SLC7A7: variants seen among roughly 807,000 people sequenced by gnomAD.
SLC7A7 encodes Y+L amino acid transporter 1.
A neutral mutation model predicts 47.9 loss-of-function variants in SLC7A7; 39 were observed. That is an observed-to-expected ratio of 0.81 (90% CI 0.63 to 1.06). The LOEUF (loss-of-function observed/expected upper bound fraction) is 1.06. Ranked by LOEUF, SLC7A7 falls within the 50% of genes least tolerant of loss-of-function variation. The pLI is 0.00. For synonymous variants in SLC7A7, 234 were observed against 242.8 expected (o/e 0.96, Z 0.34); for missense variants, 588 against 632.0 (o/e 0.93, Z 0.75).
upstream of SLC7A7, among the ~76,000 whole-genome samples, chr14:22,818,012 T>G (rs1223104487): frequency 4.0e-5 from 6 of 151,402 alleles, no homozygotes; most frequent in Admixed American, 3.9e-4. Context: ...GGGTGCCCAC[T>G]TCTAAAGCAA....
intron 2 of SLC7A7, among the ~76,000 whole-genome samples, chr14:22,804,827 T>C (rs898288363): frequency 1.3e-5 from 2 of 151,732 alleles, no homozygotes; most frequent in African/African-American, 2.4e-5. Flanking sequence ...ACCCCGTCTC[T>C]AACAATACAA....
At chr14:22,776,876 C>T (rs533816791) in intron 4 of SLC7A7, among the ~76,000 whole-genome samples, 15 of 151,762 alleles carry the variant, frequency 9.9e-5, no homozygotes, top group South Asian at 8.3e-4. Flanking sequence ...GGCTGAGGTA[C>T]GAGAATCACT....
intron 2 of SLC7A7, among the ~76,000 whole-genome samples, chr14:22,806,298 C>T (rs1216455642): frequency 2.1e-5 from 3 of 143,192 alleles, no homozygotes; most frequent in Non-Finnish European, 3.0e-5. Context: ...CAGGTTCAAG[C>T]GATTCTCCTG....
rs139693896 is a variant in SLC7A7 at position 22,782,299 on chromosome 14, C to T, written c.500-2248G>A. Among the ~76,000 whole-genome samples, 1,078 of 151,668 alleles carry T rather than the reference C, an allele frequency of 7.1e-3. 13 individuals are homozygous for T. Among genetic ancestry groups the T allele is most frequent in the African/African-American group, 0.025 (1,017 of 41,340 alleles). On this transcript the variant is annotated intron_variant, in intron 2 of 9. Transcript: ENST00000674313. ...TATATTTTTAGTAGAGATGAGGTTT[C>T]ACCATGTTGGCCAGGCTTGTCGCAA...
At chr14:22,784,342 G>A (rs749967041) in intron 2 of SLC7A7, among the ~76,000 whole-genome samples, 9 of 151,948 alleles carry the variant, frequency 5.9e-5, no homozygotes, top group Non-Finnish European at 1.2e-4. Flanking sequence ...ACTCGTGGCC[G>A]GGTGCAGTGG....
chr14:22,813,436 T>C lies in SLC7A7; in HGVS notation c.-38A>G. On this transcript the variant is annotated 5_prime_UTR_variant, in exon 2 of 10. The change abolishes an upstream ATG in the 5' untranslated region. Transcript: ENST00000674313. ...GAAACCCTTCACCAGCTTCCTGGCA[T>C]TGCCCTTTAAGGAAGAAAGATGATG... 6.2e-7 allele frequency: 1 copy of C among 1,603,864 alleles called. No homozygotes were observed. Among genetic ancestry groups the C allele is most frequent in the Non-Finnish European group, 8.5e-7 (1 of 1,179,906 alleles).
rs2039343008 is a variant in SLC7A7, at chr14:22,813,054, A to G, written c.345T>C (p.Leu115=). The change falls in exon 2 of 10, where the codon CTT becomes CTC. Residue 115 remains leucine (L), a synonymous_variant. Transcript: ENST00000674313. ...GGGAGGTCCAGAGTCTGATGAAAGCAAGGAATCCTCCAAAGGCCTCCAGGA... is the reference window on the plus strand; with the variant it reads ...GGGAGGTCCAGAGTCTGATGAAAGCGAGGAATCCTCCAAAGGCCTCCAGGA... ...AYILEAFGGF[L]AFIRLWTSLL... is the part of the protein sequence containing the mutation. 2.5e-6 allele frequency: 4 copies of G among 1,614,132 alleles called. No homozygotes were observed. In the East Asian group the frequency reaches 8.9e-5, roughly 36 times the overall value.
At chr14:22,795,076 C>CTTTT (rs3076435) in intron 2 of SLC7A7, among the ~76,000 whole-genome samples, 50 of 97,576 alleles carry the variant, frequency 5.1e-4, no homozygotes, top group African/African-American at 1.6e-3. Flanking sequence ...TTCTTTCTTT[C>CTTTT]TTTTTTTTTT....
intron 2 of SLC7A7, chr14:22,780,512 G>A (rs1477277359): frequency 5.9e-6 from 1 of 170,168 alleles, no homozygotes; most frequent in Admixed American, 5.6e-5. Context: ...ATCCAATGCT[G>A]AGCCAGCAGG....
At chr14:22,819,511 C>G (rs2039448004), upstream of SLC7A7, 1 of 152,028 alleles carries the variant, frequency 6.6e-6, no homozygotes, top group Non-Finnish European at 1.5e-5. Context: ...AGGTTCAGCC[C>G]AGGGAGGGAC....
intron 2 of SLC7A7, among the ~76,000 whole-genome samples, chr14:22,784,430 C>T (rs182013851): frequency 7.2e-5 from 11 of 152,112 alleles, no homozygotes; most frequent in East Asian, 1.9e-4. Context: ...CCATCCTGGC[C>T]AACATGGTGA....
chr14:22,775,216 A>G (rs1459012393), intron 7 of SLC7A7, among the ~76,000 whole-genome samples: 1 of 145,660 alleles, frequency 6.9e-6, no homozygotes, highest in Non-Finnish European at 1.5e-5. Context: ...AGTGTATTCC[A>G]TGTACTTTTT....
At chr14:22,800,226 A>T (rs965519786) in intron 2 of SLC7A7, among the ~76,000 whole-genome samples, 6 of 152,212 alleles carry the variant, frequency 3.9e-5, no homozygotes, top group African/African-American at 1.4e-4. Context: ...TTCTGCTTTT[A>T]AAGGCCTTAA....
intron 2 of SLC7A7, among the ~76,000 whole-genome samples, chr14:22,793,459 CCTT>C (rs898880678): frequency 6.6e-6 from 1 of 152,186 alleles, no homozygotes; most frequent in African/African-American, 2.4e-5. Context: ...AAGCAGACCT[CCTT>C]CTTGCCTGGG....
rs575877159 is a variant in SLC7A7, at chr14:22,794,254, C to T, written c.500-14203G>A. Among the ~76,000 whole-genome samples, 5 of 152,270 alleles carry T rather than the reference C, an allele frequency of 3.3e-5. No homozygotes were observed. The South Asian group carries it at 1.0e-3, about 32-fold the overall frequency. ...TGTCTAGGCAGTGGGCAAGGTGAAC[C>T]CCTTGGGCAGTTACACCTCTGGCAA... On this transcript the variant is annotated intron_variant, in intron 2 of 9. Coordinates refer to ENST00000674313, the MANE Select transcript of SLC7A7 (RefSeq NM_003982.4).
intron 2 of SLC7A7, among the ~76,000 whole-genome samples, chr14:22,791,446 A>G (rs183818990): frequency 6.6e-6 from 1 of 152,306 alleles, no homozygotes; most frequent in Non-Finnish European, 1.5e-5. Context: ...CATCTCAGCT[A>G]TCTTCTGACT....
At chr14:22,811,444 AATC>A (rs1301182055) in intron 2 of SLC7A7, among the ~76,000 whole-genome samples, 1 of 152,188 alleles carries the variant, frequency 6.6e-6, no homozygotes, top group Non-Finnish European at 1.5e-5. Flanking sequence ...GGCTATGGAG[AATC>A]ATCATCTCAG....
intron 2 of SLC7A7, among the ~76,000 whole-genome samples, chr14:22,806,505 A>G (rs996553401): frequency 3.3e-5 from 5 of 151,962 alleles, no homozygotes; most frequent in African/African-American, 9.7e-5. Context: ...CCACATAAGC[A>G]GCCTGGCAGA....
chr14:22,813,472 G>C (rs2039356019), intron 1 of SLC7A7, 32 bp from the exon 2 acceptor site: 2 of 1,586,542 alleles, frequency 1.3e-6, no homozygotes, highest in African/African-American at 1.3e-5. Flanking sequence ...CTATAGATTA[G>C]GTGGTTGGCA....
Sources: gnomAD v4.1 joint callset for allele counts (sites outside exome capture counted in the v4.1 genomes callset) on GRCh38, gnomAD v4.1.1 for gene constraint, MANE v1.5 for transcripts, NCBI Gene and HGNC (gene_info 2026-07-23, HGNC 2026-07-21) for gene names.